BDP1: variants seen among roughly 807,000 people sequenced by gnomAD.
The protein encoded by BDP1 is transcription factor TFIIIB component B'' homolog.
BDP1 carries 169 observed loss-of-function variants against 266.6 expected under a neutral mutation model. The observed-to-expected ratio is 0.63, with a 90% CI of 0.56 to 0.72. BDP1 has a LOEUF of 0.72. Among genes scored for constraint, BDP1 ranks in the 30% least tolerant of loss-of-function variants. BDP1 has a pLI of 0.00. For synonymous variants in BDP1, 1,090 were observed against 1,022.4 expected, an observed-to-expected ratio of 1.07 and a Z score of -1.26; for missense variants, 3,015 against 3,053.8, an observed-to-expected ratio of 0.99 and a Z score of 0.30.
intron 1 of BDP1, 118 bp from the exon 2 acceptor site, chr5:71,458,461 A>G: frequency 5.4e-6 from 4 of 746,564 alleles, no homozygotes; most frequent in Non-Finnish European, 8.7e-6. Context: ...TCAAGTTACT[A>G]ATTTTTTTTT....
chr5:71,456,153 C>G (rs139441440), intron 1 of BDP1, 64 bp downstream of exon 1: 42,118 of 1,480,958 alleles, frequency 0.028, 783 homozygotes, highest in South Asian at 0.068. Context: ...CACCTGGAAG[C>G]TGAGCAAATG....
rs373415764 is a variant in BDP1 at position 71,492,508 on chromosome 5, T to C, written c.1640+1377T>C. Among the ~76,000 whole-genome samples the C allele has an allele frequency of 4.5e-4, 69 of 152,362 alleles. No homozygotes were observed. The East Asian group carries it at 8.9e-3, about 20-fold the overall frequency. ...GGATAATTATTGAGTTGAGCATCTT[T>C]CATAGCTGTTAGCCATTTGTATATC... On this transcript the variant is annotated intron_variant, in intron 11 of 38. Transcript: ENST00000358731.
At chr5:71,504,244 G>C (rs920967816) in intron 15 of BDP1, among the ~76,000 whole-genome samples, 1 of 146,182 alleles carries the variant, frequency 6.8e-6, no homozygotes, top group African/African-American at 2.5e-5. Context: ...CTGCACTCCA[G>C]CCTGGGCGAC....
downstream of BDP1, among the ~76,000 whole-genome samples, chr5:71,570,651 G>A (rs1051183713): frequency 5.9e-5 from 9 of 152,230 alleles, no homozygotes; most frequent in Admixed American, 3.9e-4. Flanking sequence ...CAGTAATTGT[G>A]CCTACCTGGT....
At chr5:71,532,546 A>G (rs1766308684) in intron 26 of BDP1, 119 bp downstream of exon 26, 1 of 977,794 alleles carries the variant, frequency 1.0e-6, no homozygotes, top group African/African-American at 1.6e-5. Context: ...TTCTCTTTGT[A>G]AGGAGCTGTT....
chr5:71,541,428 ATT>A, intron 28 of BDP1, 24 bp from the exon 29 acceptor site: 2 of 990,854 alleles, frequency 2.0e-6, no homozygotes, highest in South Asian at 2.3e-5. Context: ...GTCCATTTTA[ATT>A]TTGTTTTTTT....
rs760353728 is a variant in BDP1, at chr5:71,513,187, A to C, written c.4250A>C (p.Lys1417Thr). 3 of 1,609,686 alleles carry C rather than the reference A, an allele frequency of 1.9e-6. No individual in the cohort carries two copies. The highest frequency in any genetic ancestry group is 2.5e-6 in the Non-Finnish European group (3 of 1,178,850). ...CTTGATAATCCTTGTTCCAAAAGCA[A>C]ATCTCTTCCTCAAGAACAGAAGCCA... ...PEQFSDINLSKSLPQEQKPLE... is the reference protein window; with the variant it reads ...PEQFSDINLSTSLPQEQKPLE... The change falls in exon 19 of 39, where the codon AAA becomes ACA. Residue 1417 changes from lysine (K) to threonine (T), a missense_variant and splice_region_variant. Transcript: ENST00000358731.
intron 22 of BDP1, among the ~76,000 whole-genome samples, chr5:71,518,141 TC>T (rs1429009366): frequency 2.4e-4 from 36 of 152,348 alleles, no homozygotes; most frequent in South Asian, 2.1e-4. Flanking sequence ...CAAGATGTGT[TC>T]TTTTCTTTAG....
chr5:71,538,099 C>G (rs1322269629), intron 26 of BDP1, among the ~76,000 whole-genome samples: 1 of 152,170 alleles, frequency 6.6e-6, no homozygotes, highest in Non-Finnish European at 1.5e-5. Flanking sequence ...TGGAGATGAT[C>G]ATGTGAATTT....
the BDP1 span, among the ~76,000 whole-genome samples, chr5:71,576,351 C>T: frequency 2.0e-5 from 3 of 152,210 alleles, no homozygotes; most frequent in Non-Finnish European, 4.4e-5. Context: ...ATTAATTATA[C>T]CGCTCCATTG....
intron 34 of BDP1, among the ~76,000 whole-genome samples, chr5:71,549,814 G>C (rs935186368): frequency 6.6e-6 from 1 of 152,102 alleles, no homozygotes; most frequent in Non-Finnish European, 1.5e-5. Flanking sequence ...TATTAGTTTT[G>C]TATGAAACTT....
Position 71,549,533 on chromosome 5 carries a change from T to A in BDP1, c.6922T>A (p.Phe2308Ile). The change falls in exon 34 of 39, where the codon TTC becomes ATC. Residue 2308 changes from phenylalanine (F) to isoleucine (I), a missense_variant. By Grantham distance (21) the Phe-to-Ile change is conservative. Transcript: ENST00000358731. The part of the protein sequence containing the change: ...VEEFTDATAQ[F>I]MPNPLLPAPI... Reference sequence around the variant, plus strand: ...AGAATTTACTGATGCCACTGCACAGTTCATGCCAAACCCTTTACTGCCAGC... The same window carrying A: ...AGAATTTACTGATGCCACTGCACAGATCATGCCAAACCCTTTACTGCCAGC... 6.2e-7 allele frequency: 1 copy of A among 1,614,086 alleles called. No homozygotes were observed.
rs12187098 is a variant in BDP1, at chr5:71,522,323, C to G, written c.5026C>G (p.Gln1676Glu). 37,641 of 1,613,322 alleles carry G rather than the reference C, an allele frequency of 0.023. 597 individuals carry two copies. Among genetic ancestry groups the G allele is most frequent in the Middle Eastern group, 0.1 (633 of 6,062 alleles). The change falls in exon 23 of 39, where the codon CAA becomes GAA. Residue 1676 changes from glutamine (Q) to glutamate (E), a missense_variant. Transcript: ENST00000358731. The part of the protein sequence containing the change: ...ENKPYVPSSA[Q>E]MTRRKFQKAK... Reference sequence around the variant, plus strand: ...TAAACCGTATGTTCCTAGTTCAGCACAAATGACAAGAAGGAAATTCCAAAA... The same window carrying G: ...TAAACCGTATGTTCCTAGTTCAGCAGAAATGACAAGAAGGAAATTCCAAAA...
At chr5:71,502,896 T>C (rs985236840) in intron 15 of BDP1, 105 bp downstream of exon 15, 2 of 835,200 alleles carry the variant, frequency 2.4e-6, no homozygotes, top group South Asian at 2.0e-5. Flanking sequence ...CATACATTTA[T>C]TTATTTATTT....
At chr5:71,546,834 A>G (rs1041931219) in intron 32 of BDP1, among the ~76,000 whole-genome samples, 1 of 137,980 alleles carries the variant, frequency 7.2e-6, no homozygotes, top group Non-Finnish European at 1.6e-5. Context: ...AGTTGTCCCA[A>G]TCATGTCCAT....
chr5:71,575,110 A>G, the BDP1 span, among the ~76,000 whole-genome samples: 2 of 152,334 alleles, frequency 1.3e-5, no homozygotes, highest in South Asian at 2.1e-4. Context: ...CTATCAATTT[A>G]TGGGGTCGAG....
chr5:71,571,319 ATT>A (rs201961159), downstream of BDP1, among the ~76,000 whole-genome samples: 4,318 of 152,090 alleles, frequency 0.028, 107 homozygotes, highest in South Asian at 0.049. Context: ...TAATACTTAT[ATT>A]TTTTGTAAAG....
chr5:71,531,921 G>C (rs911922614), intron 25 of BDP1, among the ~76,000 whole-genome samples: 2 of 152,078 alleles, frequency 1.3e-5, no homozygotes, highest in African/African-American at 4.8e-5. Flanking sequence ...TTGAGGATAG[G>C]GACTACACTT....
At chr5:71,467,590 C>G in intron 6 of BDP1, 103 bp downstream of exon 6, 6 of 916,860 alleles carry the variant, frequency 6.5e-6, no homozygotes, top group Non-Finnish European at 1.0e-5. Flanking sequence ...ATGCAAACTA[C>G]CATTTTATTC....
Sources: gnomAD v4.1 joint callset for allele counts (sites outside exome capture counted in the v4.1 genomes callset) on GRCh38, gnomAD v4.1.1 for gene constraint, MANE v1.5 for transcripts, NCBI Gene and HGNC (gene_info 2026-07-23, HGNC 2026-07-21) for gene names.